The following KCNC4 variants were observed in gnomAD, a reference collection of about 807,000 sequenced individuals.
The protein encoded by KCNC4 is potassium voltage-gated channel subfamily C member 4, also known as voltage-gated potassium channel KCNC4.
KCNC4 carries 23 observed loss-of-function variants against 42.8 expected under a neutral mutation model. The observed-to-expected ratio is 0.54, with a 90% confidence interval of 0.39 to 0.76. KCNC4 has a LOEUF of 0.76. Among genes scored for constraint, KCNC4 ranks in the 30% least tolerant of loss-of-function variants. The pLI is 0.00. For missense variants in KCNC4, 751 were observed against 898.2 expected (o/e 0.84, Z 2.10); for synonymous variants, 422 against 393.5 (o/e 1.07, Z -0.86).
At chr1:110,253,869 T>C (rs1035028212), downstream of KCNC4, among the ~76,000 whole-genome samples, 2 of 152,134 alleles carry the variant, frequency 1.3e-5, no homozygotes, top group African/African-American at 4.8e-5. Context: ...GCTGAAGTCC[T>C]GGTCAAGAGA....
intron 3 of KCNC4, among the ~76,000 whole-genome samples, chr1:110,231,019 G>A (rs908140045): frequency 6.6e-6 from 1 of 152,344 alleles, no homozygotes; most frequent in South Asian, 2.1e-4. Flanking sequence ...CTACTTTGTT[G>A]TCAGATGCCT....
In KCNC4 at chr1:110,223,326, CGTGGTGCGCTTCGTGCGCATCCTGCGT is replaced by C. The variant is rs1658211752; in HGVS notation, c.1042_1068del (p.Val348_Arg356del). Reference sequence around the variant, plus strand: ...CCCGCGACGTGCTGGGCTTCCTGCGCGTGGTGCGCTTCGTGCGCATCCTGCGTATCTTCAAGCTCACACGCCACTTCG... The same window carrying C: ...CCCGCGACGTGCTGGGCTTCCTGCGCATCTTCAAGCTCACACGCCACTTCG... On this transcript the variant is annotated inframe_deletion, in exon 2 of 4. Transcript: ENST00000438661. The surrounding 1 kb of genome is among the most constrained non-coding windows in gnomAD (Gnocchi z 7.5). 3 of 1,614,058 alleles carry C rather than the reference CGTGGTGCGCTTCGTGCGCATCCTGCGT, an allele frequency of 1.9e-6. No individual in the cohort carries two copies. Among genetic ancestry groups the C allele is most frequent in the Non-Finnish European group, 2.5e-6 (3 of 1,180,002 alleles).
chr1:110,254,090 C>CGGT (rs1553216643), downstream of KCNC4, among the ~76,000 whole-genome samples: 114 of 109,302 alleles, frequency 1.0e-3, 2 homozygotes, highest in African/African-American at 3.8e-3. Context: ...AGGCAGAAGT[C>CGGT]GGGGGGGGGG....
downstream of KCNC4, among the ~76,000 whole-genome samples, chr1:110,252,761 G>A (rs1408037403): frequency 6.6e-6 from 1 of 152,146 alleles, no homozygotes; most frequent in Non-Finnish European, 1.5e-5. Context: ...AGAAATCTGA[G>A]CATCAGGGAA....
chr1:110,266,919 T>C (rs1285189660), intron 1 of KCNC4, among the ~76,000 whole-genome samples: 1 of 90,152 alleles, frequency 1.1e-5, no homozygotes, highest in Non-Finnish European at 2.3e-5. Context: ...GTTAGTTCTC[T>C]TGAAGCATCC....
chr1:110,213,883 A>G (rs1657640388), intron 1 of KCNC4, among the ~76,000 whole-genome samples: 3 of 152,032 alleles, frequency 2.0e-5, no homozygotes, highest in Non-Finnish European at 4.4e-5. Flanking sequence ...AGAGATAGAG[A>G]TGGGGAAAGG....
intron 3 of KCNC4, 21 bp from the exon 4 acceptor site, chr1:110,232,890 A>T: frequency 6.2e-7 from 1 of 1,606,362 alleles, no homozygotes; most frequent in East Asian, 2.2e-5. Context: ...AGTGTCTCAC[A>T]CCTGTGCTCT....
intron 1 of KCNC4, among the ~76,000 whole-genome samples, chr1:110,261,195 C>T (rs1305531264): frequency 6.6e-6 from 1 of 152,094 alleles, no homozygotes; most frequent in South Asian, 2.1e-4. Context: ...TAAACATATG[C>T]GTGAATCCTT....
In KCNC4 at chr1:110,213,170, T is replaced by TAAAAAAAAAAAAAAAAAAAAAA; in HGVS notation, c.678+999_678+1020dup. Among the ~76,000 whole-genome samples, 2 of 50,850 alleles carry TAAAAAAAAAAAAAAAAAAAAAA rather than the reference T, an allele frequency of 3.9e-5. 1 individual carries two copies. The highest frequency in any genetic ancestry group is 6.7e-5 in the Non-Finnish European group (2 of 29,636). 33.4% of individuals were successfully genotyped at this position (50,850 alleles called of 152,430 possible). A position where few individuals can be genotyped will look rare whatever the true frequency, so the allele number is the denominator to read the frequency against. On this transcript the variant is annotated intron_variant, in intron 1 of 3. Transcript: ENST00000438661. Reference sequence around the variant, plus strand: ...GCTTCCCCCATTATGCTTCGACAGCTAAAAAAAAAAAAAAAAAAAAAAAAA... The same window carrying TAAAAAAAAAAAAAAAAAAAAAA: ...GCTTCCCCCATTATGCTTCGACAGCTAAAAAAAAAAAAAAAAAAAAAAAAAAAAAAAAAAAAAAAAAAAAAAA...
downstream of KCNC4, chr1:110,283,165 T>C (rs1024557136): frequency 3.3e-5 from 5 of 152,098 alleles, no homozygotes; most frequent in African/African-American, 9.7e-5. Context: ...CAAGGGAGCA[T>C]TCCTGTGAGA....
intron 1 of KCNC4, among the ~76,000 whole-genome samples, chr1:110,273,964 G>A (rs1160768931): frequency 6.6e-6 from 1 of 152,066 alleles, no homozygotes; most frequent in African/African-American, 2.4e-5. Flanking sequence ...ACGTTATTAA[G>A]AACTTAATGT....
chr1:110,265,812 G>C (rs1218884044), intron 1 of KCNC4, among the ~76,000 whole-genome samples: 3 of 152,086 alleles, frequency 2.0e-5, no homozygotes, highest in Non-Finnish European at 4.4e-5. Flanking sequence ...TGGTGCTCCA[G>C]CCCCAGAGAG....
intron 3 of KCNC4, among the ~76,000 whole-genome samples, chr1:110,226,640 T>C (rs550239648): frequency 2.8e-4 from 43 of 152,192 alleles, no homozygotes; most frequent in African/African-American, 9.1e-4. Context: ...AGGCCCTGCA[T>C]CCTCCCATCC....
intron 1 of KCNC4, among the ~76,000 whole-genome samples, chr1:110,212,517 C>G (rs1011921400): frequency 6.6e-6 from 1 of 152,162 alleles, no homozygotes; most frequent in Non-Finnish European, 1.5e-5. Flanking sequence ...CTTCAGCTGC[C>G]CTCCACTCCA....
intron 3 of KCNC4, among the ~76,000 whole-genome samples, chr1:110,228,119 C>T (rs1439365501): frequency 2.0e-5 from 3 of 152,154 alleles, no homozygotes; most frequent in East Asian, 1.9e-4. Context: ...CACGCCGTAC[C>T]GTGCCGCACT....
At position 110,233,062 on chromosome 1, in the gene KCNC4, G is replaced by T. The variant is rs1004388352; in HGVS notation, c.*90G>T. The T allele has an allele frequency of 3.4e-6, 5 of 1,478,782 alleles. No individual in the cohort carries two copies. The African/African-American group carries it at 7.0e-5, about 21-fold the overall frequency. 91.6% of individuals were successfully genotyped at this position (1,478,782 alleles called of 1,614,324 possible). On this transcript the variant is annotated 3_prime_UTR_variant, in exon 4 of 4. Coordinates refer to ENST00000438661, the MANE Select transcript of KCNC4 (RefSeq NM_001039574.3). ...AACCCAGACAAGAATCTTTTCGCTG[G>T]GAAAGACTCAGATATCCTTGTTTGC...
intron 1 of KCNC4, among the ~76,000 whole-genome samples, chr1:110,278,190 C>T (rs1241038041): frequency 5.9e-5 from 8 of 134,690 alleles, no homozygotes; most frequent in East Asian, 4.3e-4. Context: ...GAGGGAGGGA[C>T]GGAAGGAGGA....
downstream of KCNC4, among the ~76,000 whole-genome samples, chr1:110,283,515 C>T (rs1659863528): frequency 6.6e-6 from 1 of 152,294 alleles, no homozygotes; most frequent in South Asian, 2.1e-4. Flanking sequence ...TTGTCTCTCT[C>T]AGTGGAAGTG....
At position 110,232,927 on chromosome 1, in the gene KCNC4, C is replaced by T; in HGVS notation, c.1836C>T (p.Ala612=). Residue 612 remains alanine, a synonymous_variant, in exon 4 of 4, where the codon GCC becomes GCT. Coordinates refer to ENST00000438661, the MANE Select transcript of KCNC4 (RefSeq NM_001039574.3). ...TAAACACAGAGACCTGCCAAGACGC[C>T]CTCTCGTCCAACTATGCCCAGGCTG... ...GSVRKETCQD[A]LSSNYAQAEV... 6.2e-7 allele frequency: 1 copy of T among 1,612,096 alleles called. No individual in the cohort carries two copies. The highest frequency in any genetic ancestry group is 1.1e-5 in the South Asian group (1 of 90,374).
Sources: allele counts gnomAD v4.1 joint callset (sites outside exome capture counted in the v4.1 genomes callset), GRCh38; gene constraint gnomAD v4.1.1; non-coding constraint Gnocchi (gnomAD v3.1); transcripts MANE v1.5; gene names NCBI Gene and HGNC (gene_info 2026-07-23, HGNC 2026-07-21).